Variants in NCOA7 observed in about 807,000 individuals in gnomAD.
NCOA7 encodes 140 kDa estrogen receptor-associated protein.
Under a neutral mutation model 104.3 loss-of-function variants are expected in NCOA7, and 45 were observed. That is an observed-to-expected ratio of 0.43 (90% CI 0.34 to 0.55). The LOEUF (loss-of-function observed/expected upper bound fraction) is 0.55, where lower values mean the gene tolerates loss of function less well. Ranked by LOEUF, NCOA7 falls within the 20% of genes least tolerant of loss-of-function variation. The pLI is 0.02. For missense variants in NCOA7, 1,041 were observed against 1,119.7 expected (o/e 0.93, Z 1.00); for synonymous variants, 398 against 402.3 (o/e 0.99, Z 0.13).
intron 4 of NCOA7, among the ~76,000 whole-genome samples, chr6:125,877,981 G>A (rs971448642): frequency 8.5e-5 from 13 of 152,106 alleles, no homozygotes; most frequent in African/African-American, 2.7e-4. Context: ...TACAGCTCAC[G>A]GACCTTTACT....
At chr6:125,881,547 T>G (rs1037510094) in intron 6 of NCOA7, among the ~76,000 whole-genome samples, 1 of 151,898 alleles carries the variant, frequency 6.6e-6, no homozygotes, top group South Asian at 2.1e-4. Flanking sequence ...GGCTCAAACC[T>G]GTAGTCCCAC....
intron 10 of NCOA7, among the ~76,000 whole-genome samples, chr6:125,905,942 A>G (rs1785955818): frequency 6.6e-6 from 1 of 152,046 alleles, no homozygotes; most frequent in African/African-American, 2.4e-5. Flanking sequence ...CTGGGATTTT[A>G]CAGGTGTGCA....
chr6:125,838,844 C>T (rs922745272), intron 2 of NCOA7, among the ~76,000 whole-genome samples: 1 of 152,026 alleles, frequency 6.6e-6, no homozygotes, highest in African/African-American at 2.4e-5. Flanking sequence ...TTTTCTTACA[C>T]TTAACCAGTT....
chr6:125,895,075 C>T (rs1176562192), intron 10 of NCOA7, among the ~76,000 whole-genome samples: 4 of 152,102 alleles, frequency 2.6e-5, no homozygotes, highest in African/African-American at 9.7e-5. Context: ...TTTCTTAATG[C>T]TGACAGATTG....
intron 1 of NCOA7, among the ~76,000 whole-genome samples, chr6:125,805,980 A>C (rs1369438548): frequency 6.6e-6 from 1 of 152,182 alleles, no homozygotes; most frequent in African/African-American, 2.4e-5. Flanking sequence ...AAATTAGGTA[A>C]CTTACCCAAG....
rs1297658383 is a variant in NCOA7 at position 125,855,081 on chromosome 6, A to G, written c.112A>G (p.Thr38Ala). The change falls in exon 3 of 16, where the codon ACT (threonine) becomes GCT (alanine). Residue 38 changes from threonine to alanine, a missense_variant. Physicochemically the swap from Thr to Ala is moderately conservative, Grantham distance 58. Coordinates refer to ENST00000392477, the MANE Select transcript of NCOA7 (RefSeq NM_181782.5). ...GACAGCCTCAGCTGTAGCTACAAGGACTCATACTGGGAAGGAAGATAATAA... is the reference window on the plus strand; with the variant it reads ...GACAGCCTCAGCTGTAGCTACAAGGGCTCATACTGGGAAGGAAGATAATAA... ...AETASAVATR[T>A]HTGKEDNNTV... 6.2e-7 allele frequency: 1 copy of G among 1,613,382 alleles called. No individual in the cohort carries two copies. The highest frequency in any genetic ancestry group is 8.5e-7 in the Non-Finnish European group (1 of 1,179,918).
chr6:125,839,605 CG>C (rs972843807), intron 2 of NCOA7, among the ~76,000 whole-genome samples: 30 of 152,196 alleles, frequency 2.0e-4, no homozygotes, highest in African/African-American at 7.0e-4. Context: ...ATACAAAAGA[CG>C]CTCTTTATCA....
chr6:125,825,464 T>C (rs1387329648), intron 2 of NCOA7, among the ~76,000 whole-genome samples: 1 of 152,226 alleles, frequency 6.6e-6, no homozygotes, highest in African/African-American at 2.4e-5. Context: ...ATTCCATTAA[T>C]TTTTCCTGTG....
chr6:125,889,496 C>T lies in NCOA7; in HGVS notation c.1442C>T (p.Ala481Val), dbSNP rs372534958. ...GAGAATGATGTTGAACTGAAGGGGG[C>T]GCTAGATTTAGAAACCTGTGAGAAG... ...GTENDVELKG[A>V]LDLETCEKQD... Residue 481 changes from alanine (A) to valine (V), a missense_variant, in exon 9 of 16, where the codon GCG (alanine) becomes GTG (valine). This residue lies in a region of NCOA7 where 914 missense variants were observed against 942.7 expected (regional missense o/e 0.97). Coordinates refer to ENST00000392477, the MANE Select transcript of NCOA7 (RefSeq NM_181782.5). 71 of 1,613,886 alleles carry T rather than the reference C, an allele frequency of 4.4e-5. No individual in the cohort carries two copies. Among genetic ancestry groups the T allele is most frequent in the Non-Finnish European group, 5.6e-5 (66 of 1,180,004 alleles).
chr6:125,862,387 T>C (rs1157471581), intron 3 of NCOA7, among the ~76,000 whole-genome samples: 1 of 138,344 alleles, frequency 7.2e-6, no homozygotes, highest in East Asian at 2.1e-4. Context: ...TTCTTCATAG[T>C]GGTGAATGCC....
chr6:125,876,060 C>T (rs1783345521), intron 4 of NCOA7, among the ~76,000 whole-genome samples: 1 of 152,196 alleles, frequency 6.6e-6, no homozygotes, highest in Non-Finnish European at 1.5e-5. Context: ...TTCTCTTTGA[C>T]TTCTAAGAAG....
At chr6:125,899,473 A>G (rs1785308099) in intron 10 of NCOA7, among the ~76,000 whole-genome samples, 1 of 152,176 alleles carries the variant, frequency 6.6e-6, no homozygotes, top group African/African-American at 2.4e-5. Context: ...CCAGGTATAT[A>G]TCAGAATACA....
intron 4 of NCOA7, among the ~76,000 whole-genome samples, chr6:125,876,266 G>C (rs1583438939): frequency 1.3e-5 from 2 of 152,270 alleles, no homozygotes; most frequent in South Asian, 4.1e-4. Context: ...AGGCTTTCAT[G>C]ATCAATGCCC....
intron 2 of NCOA7, among the ~76,000 whole-genome samples, chr6:125,822,105 T>C (rs1326755383): frequency 6.6e-6 from 1 of 152,188 alleles, no homozygotes; most frequent in African/African-American, 2.4e-5. Flanking sequence ...TAATTAACTG[T>C]AGATTGTTTT....
rs768738419 is a variant in NCOA7, at chr6:125,844,254, T to C, written c.51-10766T>C. Among the ~76,000 whole-genome samples, 77 of 152,380 alleles carry C rather than the reference T, an allele frequency of 5.1e-4. No individual in the cohort carries two copies. The Middle Eastern group carries it at 0.01, about 20-fold the overall frequency. ...CATCTGAAGGATATATTGCTAGTTA[T>C]TGAACACAAAGCCAAAGAATCTCTT... On this transcript the variant is annotated intron_variant, in intron 2 of 15. Coordinates refer to ENST00000392477, the MANE Select transcript of NCOA7 (RefSeq NM_181782.5).
intron 1 of NCOA7, among the ~76,000 whole-genome samples, chr6:125,783,926 T>A (rs1283988284): frequency 6.6e-6 from 1 of 152,226 alleles, no homozygotes; most frequent in African/African-American, 2.4e-5. Flanking sequence ...TTCCACTGTA[T>A]AGATATCTTA....
chr6:125,911,302 C>T (rs148023018), intron 10 of NCOA7, among the ~76,000 whole-genome samples: 8,098 of 152,330 alleles, frequency 0.053, 309 homozygotes, highest in Middle Eastern at 0.085. Context: ...TTCCAAAGGA[C>T]ATTATGCAAG....
intron 2 of NCOA7, among the ~76,000 whole-genome samples, chr6:125,838,242 G>A (rs1779799512): frequency 6.6e-6 from 1 of 152,094 alleles, no homozygotes; most frequent in Admixed American, 6.5e-5. Flanking sequence ...GAAAGAATGG[G>A]GCTCAGGGCA....
intron 2 of NCOA7, among the ~76,000 whole-genome samples, chr6:125,850,878 C>G (rs546987593): frequency 6.6e-6 from 1 of 152,228 alleles, no homozygotes; most frequent in African/African-American, 2.4e-5. Context: ...TGTGTGGTAT[C>G]TAGATTGCTG....
Sources: allele counts gnomAD v4.1 joint callset (sites outside exome capture counted in the v4.1 genomes callset), GRCh38; gene constraint gnomAD v4.1.1; regional missense constraint gnomAD v4.1.1; transcripts MANE v1.5; gene names NCBI Gene and HGNC (gene_info 2026-07-23, HGNC 2026-07-21).